The following LRRK2 variants were observed in gnomAD, a reference collection of about 807,000 sequenced individuals.
LRRK2 encodes leucine-rich repeat serine/threonine-protein kinase 2.
Under a neutral mutation model 302.6 loss-of-function variants are expected in LRRK2, and 203 were observed. The observed-to-expected ratio is 0.67, with a 90% confidence interval of 0.60 to 0.75. The LOEUF is 0.75. Ranked by LOEUF, LRRK2 falls within the 30% of genes least tolerant of loss-of-function variation. The pLI, the probability that LRRK2 is intolerant of heterozygous loss-of-function variation, is 0.00. For missense variants in LRRK2, 2,830 were observed against 2,951.0 expected, an observed-to-expected ratio of 0.96 and a Z score of 0.95; for synonymous variants, 1,066 against 1,031.9, an observed-to-expected ratio of 1.03 and a Z score of -0.63.
At chr12:40,278,888 A>T (rs1430134687) in intron 18 of LRRK2, among the ~76,000 whole-genome samples, 1 of 152,140 alleles carries the variant, frequency 6.6e-6, no homozygotes, top group African/African-American at 2.4e-5. Context: ...AACAAAATTA[A>T]GATTTACTTC....
intron 19 of LRRK2, among the ~76,000 whole-genome samples, chr12:40,284,487 T>C (rs1943840923): frequency 6.6e-6 from 1 of 152,014 alleles, no homozygotes; most frequent in African/African-American, 2.4e-5. Context: ...TATAAGTAAT[T>C]AATATGGATA....
At chr12:40,251,618 C>G in intron 10 of LRRK2, 74 bp downstream of exon 10, 3 of 1,243,150 alleles carry the variant, frequency 2.4e-6, no homozygotes, top group Non-Finnish European at 3.4e-6. Context: ...ATACCTTAAC[C>G]GTAACTTTTA....
chr12:40,365,410 C>T (rs1355683824), intron 49 of LRRK2: 2 of 187,620 alleles, frequency 1.1e-5, no homozygotes, highest in Admixed American at 5.6e-5. Context: ...TCTAGCCTCC[C>T]AGCTTGTTAA....
intron 12 of LRRK2, 26 bp from the exon 13 acceptor site, chr12:40,259,454 T>C (rs1942673299): frequency 2.5e-6 from 4 of 1,612,664 alleles, no homozygotes; most frequent in Non-Finnish European, 2.5e-6. Context: ...AGTCTTTCAA[T>C]AAGCATGCCA....
intron 49 of LRRK2, chr12:40,366,325 T>C (rs561726237): frequency 6.6e-6 from 1 of 152,036 alleles, no homozygotes; most frequent in African/African-American, 2.4e-5. Flanking sequence ...TGTCAAAACC[T>C]CTGAGAAGCC....
rs748862907 is a variant in LRRK2, at chr12:40,283,968, A to C, written c.2335A>C (p.Ile779Leu). 6.2e-7 allele frequency: 1 copy of C among 1,614,042 alleles called. No homozygotes were observed. Among genetic ancestry groups the C allele is most frequent in the Admixed American group, 1.7e-5 (1 of 60,014 alleles). Residue 779 changes from isoleucine (I) to leucine (L), a missense_variant, in exon 19 of 51, where the codon ATT becomes CTT. Physicochemically the swap from Ile to Leu is conservative, Grantham distance 5. Transcript: ENST00000298910. ...TGTACGAAAAGCGTTGACGATAAGCATTGGGAAAGGTGACAGCCAGATCAT... is the reference window on the plus strand; with the variant it reads ...TGTACGAAAAGCGTTGACGATAAGCCTTGGGAAAGGTGACAGCCAGATCAT... Reference protein sequence around the residue: ...QDVRKALTISIGKGDSQIISL... With the variant: ...QDVRKALTISLGKGDSQIISL...
chr12:40,283,960 C>A lies in LRRK2; in HGVS notation c.2327C>A (p.Thr776Lys). Residue 776 changes from threonine (T) to lysine (K), a missense_variant, in exon 19 of 51, where the codon ACG (threonine) becomes AAG (lysine). Physicochemically the swap from Thr to Lys is moderately conservative, Grantham distance 78 (BLOSUM62 -1). Transcript: ENST00000298910. ...SREQDVRKAL[T>K]ISIGKGDSQI... ...GAACAAGATGTACGAAAAGCGTTGACGATAAGCATTGGGAAAGGTGACAGC... is the reference window on the plus strand; with the variant it reads ...GAACAAGATGTACGAAAAGCGTTGAAGATAAGCATTGGGAAAGGTGACAGC... The A allele has an allele frequency of 6.2e-7, 1 of 1,613,806 alleles. No homozygotes were observed. Among genetic ancestry groups the A allele is most frequent in the Non-Finnish European group, 8.5e-7 (1 of 1,179,848 alleles).
intron 2 of LRRK2, among the ~76,000 whole-genome samples, chr12:40,225,943 T>G (rs997773703): frequency 6.6e-6 from 1 of 152,134 alleles, no homozygotes; most frequent in African/African-American, 2.4e-5. Context: ...GCAAGATGAA[T>G]TCATTAGTGT....
intron 20 of LRRK2, among the ~76,000 whole-genome samples, chr12:40,291,640 T>C (rs1944163650): frequency 6.6e-6 from 1 of 151,922 alleles, no homozygotes; most frequent in Non-Finnish European, 1.5e-5. Context: ...TTATGGATTA[T>C]CATATGGTCT....
At chr12:40,235,135 C>G (rs1941391490) in intron 3 of LRRK2, among the ~76,000 whole-genome samples, 1 of 152,036 alleles carries the variant, frequency 6.6e-6, no homozygotes, top group Admixed American at 6.6e-5. Flanking sequence ...AATTAACATT[C>G]CCTGTTAGTT....
intron 19 of LRRK2, among the ~76,000 whole-genome samples, chr12:40,284,537 T>C (rs1943842623): frequency 6.6e-6 from 1 of 152,132 alleles, no homozygotes; most frequent in Non-Finnish European, 1.5e-5. Context: ...TACCTATGCA[T>C]TCAAATGTAT....
intron 14 of LRRK2, among the ~76,000 whole-genome samples, chr12:40,274,076 A>C (rs546284163): frequency 1.4e-4 from 22 of 152,186 alleles, no homozygotes; most frequent in Non-Finnish European, 3.1e-4. Flanking sequence ...AACCTATTAC[A>C]TGAAGCTGTT....
chr12:40,362,980 A>T (rs988015778), intron 47 of LRRK2, among the ~76,000 whole-genome samples: 1 of 152,012 alleles, frequency 6.6e-6, no homozygotes, highest in African/African-American at 2.4e-5. Flanking sequence ...ATATTTTATA[A>T]CTCTAGGTAT....
chr12:40,293,448 G>A, intron 20 of LRRK2, 97 bp from the exon 21 acceptor site: 2 of 742,376 alleles, frequency 2.7e-6, no homozygotes, highest in South Asian at 1.5e-5. Context: ...AATAAAAATA[G>A]GTCTAATCTT....
intron 12 of LRRK2, among the ~76,000 whole-genome samples, 172 bp from the exon 13 acceptor site, chr12:40,259,308 G>C (rs1942666221): frequency 6.6e-6 from 1 of 152,130 alleles, no homozygotes; most frequent in Non-Finnish European, 1.5e-5. Context: ...TGAGTTCAAA[G>C]TTTAGACAAT....
Position 40,235,651 on chromosome 12 carries a change from C to G in LRRK2, c.373C>G (p.His125Asp), listed in dbSNP as rs867270691. 1 of 1,607,716 alleles carries G rather than the reference C, an allele frequency of 6.2e-7. No individual in the cohort carries two copies. ...ATTGATTCTTAAAATGCTAACAGTTCATAATGCCAGTGTAAACTTGTCAGT... is the reference window on the plus strand; with the variant it reads ...ATTGATTCTTAAAATGCTAACAGTTGATAATGCCAGTGTAAACTTGTCAGT... Reference protein sequence around the residue: ...HQLILKMLTVHNASVNLSVIG... With the variant: ...HQLILKMLTVDNASVNLSVIG... The change falls in exon 4 of 51, where the codon CAT becomes GAT. Residue 125 changes from histidine (H) to aspartate (D), a missense_variant. Transcript: ENST00000298910.
intron 11 of LRRK2, among the ~76,000 whole-genome samples, chr12:40,255,845 T>C (rs1942476319): frequency 6.6e-6 from 1 of 152,206 alleles, no homozygotes; most frequent in East Asian, 1.9e-4. Flanking sequence ...CTTTATTGTA[T>C]CTTAATATGT....
At chr12:40,360,219 G>T (rs546630335) in intron 47 of LRRK2, among the ~76,000 whole-genome samples, 1 of 152,162 alleles carries the variant, frequency 6.6e-6, no homozygotes, top group East Asian at 1.9e-4. Context: ...GAGTAAATAA[G>T]AATGTTAATA....
chr12:40,292,685 G>T (rs1000790346), intron 20 of LRRK2, among the ~76,000 whole-genome samples: 3 of 151,582 alleles, frequency 2.0e-5, no homozygotes, highest in African/African-American at 7.3e-5. Context: ...GGTGGTATTT[G>T]GATATACAGA....
Sources: allele counts gnomAD v4.1 joint callset (sites outside exome capture counted in the v4.1 genomes callset), GRCh38; gene constraint gnomAD v4.1.1; transcripts MANE v1.5; gene names NCBI Gene and HGNC (gene_info 2026-07-23, HGNC 2026-07-21).